SNTG1: variants seen among roughly 807,000 people sequenced by gnomAD.
The protein encoded by SNTG1 is syntrophin gamma 1, also known as gamma-1-syntrophin.
A neutral mutation model predicts 74.7 loss-of-function variants in SNTG1; 39 were observed. The observed-to-expected ratio is 0.52, with a 90% CI of 0.40 to 0.68. The LOEUF (loss-of-function observed/expected upper bound fraction) is 0.68, where lower values mean the gene tolerates loss of function less well. Ranked by LOEUF, SNTG1 falls within the 30% of genes least tolerant of loss-of-function variation. SNTG1 has a pLI of 0.00. For missense variants in SNTG1, 685 were observed against 609.5 expected (o/e 1.12, Z -1.30); for synonymous variants, 254 against 217.1 (o/e 1.17, Z -1.49).
At chr8:50,336,119 A>G (rs191270274) in intron 2 of SNTG1, among the ~76,000 whole-genome samples, 211 of 152,298 alleles carry the variant, frequency 1.4e-3, no homozygotes, top group African/African-American at 4.9e-3. Context: ...TTTTATCCAC[A>G]TTCCATTGGC....
At chr8:49,936,755 A>C (rs1325082014) in intron 1 of SNTG1, among the ~76,000 whole-genome samples, 1 of 152,216 alleles carries the variant, frequency 6.6e-6, no homozygotes, top group Non-Finnish European at 1.5e-5. Context: ...AGTGAAGAGC[A>C]AACATGGTAC....
chr8:50,164,745 T>A (rs2082553428), intron 1 of SNTG1, among the ~76,000 whole-genome samples: 1 of 152,216 alleles, frequency 6.6e-6, no homozygotes, highest in Admixed American at 6.5e-5. Context: ...AATATGCAAC[T>A]CTTATGTTAA....
chr8:50,543,459 G>GTTGTTGTT (rs376551565), intron 11 of SNTG1, among the ~76,000 whole-genome samples: 1 of 151,916 alleles, frequency 6.6e-6, no homozygotes, highest in African/African-American at 2.4e-5. Context: ...TGTTGTTGTT[G>GTTGTTGTT]TTGCTGTTGT....
chr8:50,145,730 T>C (rs1383914912), intron 1 of SNTG1, among the ~76,000 whole-genome samples: 1 of 152,190 alleles, frequency 6.6e-6, no homozygotes, highest in East Asian at 1.9e-4. Context: ...AAATAACAAA[T>C]TTCCTTATTG....
intron 13 of SNTG1, among the ~76,000 whole-genome samples, chr8:50,620,180 G>T (rs1374376968): frequency 6.6e-6 from 1 of 152,070 alleles, no homozygotes; most frequent in Non-Finnish European, 1.5e-5. Flanking sequence ...TTCCTTTCTG[G>T]CTGTCATCTG....
At chr8:49,986,163 T>A (rs1170183893) in intron 1 of SNTG1, among the ~76,000 whole-genome samples, 2 of 152,136 alleles carry the variant, frequency 1.3e-5, no homozygotes, top group Non-Finnish European at 2.9e-5. Context: ...ATTAGGGTAA[T>A]GTATAAAATA....
intron 2 of SNTG1, among the ~76,000 whole-genome samples, chr8:50,242,899 G>T (rs1216755598): frequency 6.6e-6 from 1 of 151,762 alleles, no homozygotes; most frequent in Non-Finnish European, 1.5e-5. Context: ...AATAATGTAT[G>T]TTTTTAGAAT....
intron 17 of SNTG1, among the ~76,000 whole-genome samples, chr8:50,743,383 T>C (rs1277496513): frequency 6.6e-6 from 1 of 151,880 alleles, no homozygotes; most frequent in Non-Finnish European, 1.5e-5. Flanking sequence ...AACACCTTAA[T>C]AGAATGAAGT....
intron 2 of SNTG1, among the ~76,000 whole-genome samples, chr8:50,298,032 C>G (rs983223778): frequency 1.1e-4 from 1 of 9,150 alleles, no homozygotes; most frequent in African/African-American, 3.2e-4. Flanking sequence ...TGTTGAAAAG[C>G]TAAAAAAAAA....
At position 50,123,503 on chromosome 8, in the gene SNTG1, T is replaced by G. The variant is rs2081057394; in HGVS notation, c.-102-49058T>G. 1.4e-5 allele frequency among the ~76,000 whole-genome samples: 2 copies of G among 142,540 alleles called. 1 individual carries two copies. The highest frequency in any genetic ancestry group is 1.4e-4 in the Admixed American group (2 of 13,880). 93.5% of individuals were successfully genotyped at this position (142,540 alleles called of 152,430 possible). ...CAAAAATATAAAGAGATCAGGCATTTAGAACATCTTTACATTAAGAAAGCA... is the reference window on the plus strand; with the variant it reads ...CAAAAATATAAAGAGATCAGGCATTGAGAACATCTTTACATTAAGAAAGCA... On this transcript the variant is annotated intron_variant, in intron 1 of 18. Transcript: ENST00000642720.
intron 1 of SNTG1, among the ~76,000 whole-genome samples, chr8:49,912,951 G>A (rs1003674498): frequency 1.3e-5 from 2 of 152,184 alleles, no homozygotes; most frequent in Admixed American, 6.5e-5. Context: ...AATCCAGAAA[G>A]TGATAGGGAC....
At chr8:50,515,520 C>T (rs1457031797) in intron 9 of SNTG1, among the ~76,000 whole-genome samples, 2 of 151,762 alleles carry the variant, frequency 1.3e-5, no homozygotes, top group Admixed American at 6.6e-5. Flanking sequence ...CAGATCCCAC[C>T]CCCACGGACC....
At chr8:50,394,186 G>A (rs1348877653) in intron 2 of SNTG1, 26 bp from the exon 3 acceptor site, 1 of 1,599,294 alleles carries the variant, frequency 6.3e-7, no homozygotes, top group Non-Finnish European at 8.6e-7. Flanking sequence ...TGTGCCTAAT[G>A]GCTTACCATT....
chr8:50,752,086 C>T lies in SNTG1; in HGVS notation c.1370C>T (p.Pro457Leu), dbSNP rs2095568902. Residue 457 changes from proline (P) to leucine (L), a missense_variant, in exon 18 of 19, where the codon CCA becomes CTA. Physicochemically the swap from Pro to Leu is moderately conservative, Grantham distance 98. Coordinates refer to ENST00000642720, the MANE Select transcript of SNTG1 (RefSeq NM_018967.5). The part of the protein sequence containing the change: ...KSKIKFLFQN[P>L]DTKQIEAKEL... The stretch of plus-strand genomic sequence containing the variant: ...AAAATCAAATTTTTGTTTCAGAATC[C>T]AGATACTAAACAGATTGAAGCAAAG... 1.3e-6 allele frequency: 2 copies of T among 1,566,100 alleles called. No homozygotes were observed. The highest frequency in any genetic ancestry group is 4.9e-5 in the East Asian group (2 of 40,598).
intron 2 of SNTG1, among the ~76,000 whole-genome samples, chr8:50,364,007 A>G (rs2131092146): frequency 6.6e-6 from 1 of 152,264 alleles, no homozygotes; most frequent in African/African-American, 2.4e-5. Flanking sequence ...GCCCATATGC[A>G]CCAATCCCTG....
intron 1 of SNTG1, among the ~76,000 whole-genome samples, chr8:50,044,072 A>G (rs751590462): frequency 1.3e-5 from 2 of 152,224 alleles, no homozygotes; most frequent in Non-Finnish European, 2.9e-5. Flanking sequence ...AAAATTTCTG[A>G]AAAACTACAA....
At chr8:49,948,837 T>C (rs1486198576) in intron 1 of SNTG1, among the ~76,000 whole-genome samples, 2 of 152,198 alleles carry the variant, frequency 1.3e-5, no homozygotes, top group Non-Finnish European at 2.9e-5. Context: ...GGTTCTCCCC[T>C]GAGCTGCCTT....
chr8:50,003,153 T>A (rs1165204054), intron 1 of SNTG1, among the ~76,000 whole-genome samples: 1 of 152,152 alleles, frequency 6.6e-6, no homozygotes, highest in Admixed American at 6.6e-5. Flanking sequence ...GATAAAAATG[T>A]TCTGGAATTA....
chr8:50,191,695 G>T (rs1039257869), intron 2 of SNTG1, among the ~76,000 whole-genome samples: 3 of 152,066 alleles, frequency 2.0e-5, no homozygotes, highest in Non-Finnish European at 4.4e-5. Context: ...CCTGCATGCA[G>T]TAGGTATTTG....
Sources: allele counts gnomAD v4.1 joint callset (sites outside exome capture counted in the v4.1 genomes callset), GRCh38; gene constraint gnomAD v4.1.1; transcripts MANE v1.5; gene names NCBI Gene and HGNC (gene_info 2026-07-23, HGNC 2026-07-21).